Variants in DGLUCY observed in about 807,000 individuals in gnomAD.
The protein encoded by DGLUCY is D-glutamate cyclase.
Under a neutral mutation model 58.5 loss-of-function variants are expected in DGLUCY, and 58 were observed. That is an observed-to-expected ratio of 0.99 (90% CI 0.80 to 1.23). The LOEUF is 1.23. Among genes scored for constraint, DGLUCY ranks in the 50% most tolerant of loss-of-function variants. The pLI is 0.00. For synonymous variants in DGLUCY, 325 were observed against 314.1 expected, an observed-to-expected ratio of 1.03 and a Z score of -0.37; for missense variants, 779 against 784.7, an observed-to-expected ratio of 0.99 and a Z score of 0.09.
rs924858938 is a variant in DGLUCY, at chr14:91,160,381, A to G, written c.87A>G (p.Thr29=). 2 of 1,594,562 alleles carry G rather than the reference A, an allele frequency of 1.3e-6. No individual in the cohort carries two copies. The highest frequency in any genetic ancestry group is 1.1e-5 in the South Asian group (1 of 90,610). Residue 29 remains threonine (T), a synonymous_variant, in exon 3 of 14, where the codon ACA becomes ACG. Transcript: ENST00000256324. ...ILQKKPNIRN[T]SSMAGELRPA... Reference sequence around the variant, plus strand: ...AAAAGAAACCAAACATCAGAAATACATCCAGCATGGCTGGAGGTAAGTGGT... The same window carrying G: ...AAAAGAAACCAAACATCAGAAATACGTCCAGCATGGCTGGAGGTAAGTGGT...
intron 1 of DGLUCY, among the ~76,000 whole-genome samples, chr14:91,140,707 A>G (rs1186484621): frequency 6.6e-6 from 1 of 152,180 alleles, no homozygotes; most frequent in Non-Finnish European, 1.5e-5. Flanking sequence ...ATGAAAGTCA[A>G]GAGCCTGATA....
At chr14:91,139,700 T>C (rs1243026274) in intron 1 of DGLUCY, among the ~76,000 whole-genome samples, 1 of 152,054 alleles carries the variant, frequency 6.6e-6, no homozygotes, top group African/African-American at 2.4e-5. Flanking sequence ...AAAATGAAGT[T>C]TAACCAAATG....
In DGLUCY at chr14:91,213,215, G is replaced by A. The variant is rs140044479; in HGVS notation, c.1565-2190G>A. On this transcript the variant is annotated intron_variant, in intron 12 of 13. Coordinates refer to ENST00000256324, the MANE Select transcript of DGLUCY (RefSeq NM_001102368.3). Reference sequence around the variant, plus strand: ...TTTGGGAGGCCAAGACGGGTTGGTCGTTTGAAGCCAGGAGTTCAGGGCCAG... The same window carrying A: ...TTTGGGAGGCCAAGACGGGTTGGTCATTTGAAGCCAGGAGTTCAGGGCCAG... Among the ~76,000 whole-genome samples the A allele has an allele frequency of 6.8e-3, 1,028 of 152,216 alleles. 14 individuals are homozygous for A. The highest frequency in any genetic ancestry group is 0.024 in the South Asian group (117 of 4,816).
At chr14:91,216,222 G>A (rs1035494517) in intron 13 of DGLUCY, 13 of 11,726 alleles carry the variant, frequency 1.1e-3, no homozygotes, top group Non-Finnish European at 2.0e-3. Flanking sequence ...GCTTCAGACC[G>A]CAGGCCCACA....
chr14:91,086,194 G>T (rs956553468), intron 1 of DGLUCY, among the ~76,000 whole-genome samples: 11 of 152,130 alleles, frequency 7.2e-5, no homozygotes, highest in Non-Finnish European at 1.3e-4. Flanking sequence ...GGAAAGCAAG[G>T]TCAGGGCTCC....
At chr14:91,209,243 A>G (rs536772625) in intron 12 of DGLUCY, among the ~76,000 whole-genome samples, 161 of 152,290 alleles carry the variant, frequency 1.1e-3, no homozygotes, top group African/African-American at 3.8e-3. Context: ...AACCTGGGGA[A>G]CAGAGTGAGA....
chr14:91,095,551 A>G (rs2044380544), intron 1 of DGLUCY, among the ~76,000 whole-genome samples: 1 of 152,196 alleles, frequency 6.6e-6, no homozygotes, highest in Non-Finnish European at 1.5e-5. Context: ...AATACACCAT[A>G]GTTCAATCTG....
At chr14:91,125,826 G>C (rs1460808805) in intron 1 of DGLUCY, among the ~76,000 whole-genome samples, 1 of 152,184 alleles carries the variant, frequency 6.6e-6, no homozygotes, top group African/African-American at 2.4e-5. Context: ...GGGCTACTCA[G>C]GAGGCTGAGT....
intron 1 of DGLUCY, among the ~76,000 whole-genome samples, chr14:91,069,004 G>A (rs1322819396): frequency 6.6e-6 from 1 of 152,164 alleles, no homozygotes; most frequent in Non-Finnish European, 1.5e-5. Flanking sequence ...GTGTTATTAG[G>A]GAAGAGTGAA....
At chr14:91,196,257 A>T in intron 9 of DGLUCY, 118 bp from the exon 10 acceptor site, 1 of 736,722 alleles carries the variant, frequency 1.4e-6, no homozygotes, top group Non-Finnish European at 2.3e-6. Context: ...TGTTCTACAG[A>T]TAGATGTTGT....
chr14:91,164,326 A>C (rs2048157957), intron 3 of DGLUCY, among the ~76,000 whole-genome samples: 1 of 152,196 alleles, frequency 6.6e-6, no homozygotes, highest in Non-Finnish European at 1.5e-5. Context: ...GAAGCAAATG[A>C]CAAGTATGCA....
At chr14:91,164,177 T>C (rs905751069) in intron 3 of DGLUCY, among the ~76,000 whole-genome samples, 1 of 152,156 alleles carries the variant, frequency 6.6e-6, no homozygotes, top group Non-Finnish European at 1.5e-5. Flanking sequence ...CTCGAACTCC[T>C]GACCTCAAGT....
chr14:91,071,071 A>G (rs2043907310), intron 1 of DGLUCY, among the ~76,000 whole-genome samples: 2 of 151,962 alleles, frequency 1.3e-5, no homozygotes, highest in Non-Finnish European at 2.9e-5. Context: ...GGTGGCTCAC[A>G]CCTATAATCC....
At chr14:91,166,165 T>C (rs1180828403) in intron 3 of DGLUCY, among the ~76,000 whole-genome samples, 1 of 152,236 alleles carries the variant, frequency 6.6e-6, no homozygotes, top group African/African-American at 2.4e-5. Context: ...GGTTGGCTCT[T>C]GTTCCTTGAT....
chr14:91,082,996 G>T (rs1296478607), intron 1 of DGLUCY, among the ~76,000 whole-genome samples: 1 of 152,140 alleles, frequency 6.6e-6, no homozygotes, highest in African/African-American at 2.4e-5. Context: ...GAGCTCAAGT[G>T]ATCCTCCTGC....
In DGLUCY at chr14:91,199,967, G is replaced by GT. The variant is rs1039511269; in HGVS notation, c.1444+64dup. ...GCCCCATGAAGTGTCTTTTGTTGTT[G>GT]TTGTTGTTATGGAGTCTTGCTCTGT... On this transcript the variant is annotated intron_variant, in intron 11 of 13. Transcript: ENST00000256324. 9 of 1,597,586 alleles carry GT rather than the reference G, an allele frequency of 5.6e-6. No individual in the cohort carries two copies. In the African/African-American group the frequency reaches 1.2e-4, roughly 21 times the overall value.
intron 1 of DGLUCY, among the ~76,000 whole-genome samples, chr14:91,129,928 T>C (rs1174154652): frequency 6.6e-6 from 1 of 152,212 alleles, no homozygotes; most frequent in East Asian, 1.9e-4. Flanking sequence ...ATTACAGGCA[T>C]GAGCTACCGT....
chr14:91,142,169 A>G (rs1301341887), intron 1 of DGLUCY, among the ~76,000 whole-genome samples: 1 of 152,148 alleles, frequency 6.6e-6, no homozygotes, highest in African/African-American at 2.4e-5. Flanking sequence ...AACCTGCTCA[A>G]GGATCACAGG....
At chr14:91,180,049 TG>T (rs2049082427) in intron 7 of DGLUCY, among the ~76,000 whole-genome samples, 2 of 150,566 alleles carry the variant, frequency 1.3e-5, no homozygotes, top group Non-Finnish European at 3.0e-5. Flanking sequence ...ACCACCAAGC[TG>T]GGCTAATTTT....
Sources: allele counts gnomAD v4.1 joint callset (sites outside exome capture counted in the v4.1 genomes callset), GRCh38; gene constraint gnomAD v4.1.1; transcripts MANE v1.5; gene names NCBI Gene and HGNC (gene_info 2026-07-23, HGNC 2026-07-21).